The following ARID2 variants were observed in gnomAD, a reference collection of about 807,000 sequenced individuals.
ARID2 encodes the protein AT-rich interactive domain-containing protein 2.
ARID2 carries 32 observed loss-of-function variants against 184.6 expected under a neutral mutation model. The ratio of observed to expected loss-of-function variants is 0.17; its 90% CI spans 0.13 to 0.23. The LOEUF (loss-of-function observed/expected upper bound fraction) is 0.23, where lower values mean the gene tolerates loss of function less well. ARID2 is among the 10% of genes least tolerant of loss of function. The pLI is 1.00. For missense variants in ARID2, 1,696 were observed against 2,197.6 expected (o/e 0.77, Z 4.56); for synonymous variants, 836 against 772.6 (o/e 1.08, Z -1.36).
intron 3 of ARID2, among the ~76,000 whole-genome samples, chr12:45,809,961 T>A (rs766356159): frequency 1.3e-5 from 2 of 152,226 alleles, no homozygotes; most frequent in African/African-American, 2.4e-5. Context: ...TACATGTTCA[T>A]TGATACCCAC....
chr12:45,888,274 C>G (rs1944231239), intron 16 of ARID2, among the ~76,000 whole-genome samples: 1 of 151,458 alleles, frequency 6.6e-6, no homozygotes, highest in Admixed American at 6.6e-5. Flanking sequence ...ATGTAAGATA[C>G]TGTCTCTAAA....
intron 16 of ARID2, chr12:45,874,254 C>A (rs778631120): frequency 1.3e-5 from 2 of 152,162 alleles, no homozygotes; most frequent in African/African-American, 4.8e-5. Flanking sequence ...AAAACTCCAA[C>A]GCTGATCAGT....
chr12:45,774,922 C>G (rs1043017716), intron 3 of ARID2, among the ~76,000 whole-genome samples: 2 of 152,138 alleles, frequency 1.3e-5, no homozygotes, highest in African/African-American at 2.4e-5. Context: ...TTTTGCTTCA[C>G]AGAGAACATT....
At chr12:45,784,353 A>G (rs914608889) in intron 3 of ARID2, among the ~76,000 whole-genome samples, 3 of 152,170 alleles carry the variant, frequency 2.0e-5, no homozygotes, top group Admixed American at 2.0e-4. Flanking sequence ...ACTATTTTAA[A>G]ATATGATACC....
intron 3 of ARID2, among the ~76,000 whole-genome samples, chr12:45,735,783 G>A (rs1460441104): frequency 1.3e-5 from 2 of 152,132 alleles, no homozygotes; most frequent in Non-Finnish European, 2.9e-5. Flanking sequence ...TAGAATCCAT[G>A]TTTTTAGAGC....
chr12:45,903,609 T>G (rs751607451), intron 20 of ARID2, among the ~76,000 whole-genome samples: 25 of 152,338 alleles, frequency 1.6e-4, no homozygotes, highest in Admixed American at 4.6e-4. Flanking sequence ...AACTGTTTAT[T>G]CTTCAGTCTC....
chr12:45,832,740 G>GA (rs1592105346), intron 6 of ARID2, among the ~76,000 whole-genome samples: 1 of 151,938 alleles, frequency 6.6e-6, no homozygotes, highest in Non-Finnish European at 1.5e-5. Context: ...AATATTTGGG[G>GA]AAAAAAGCAA....
chr12:45,837,520 T>G lies in ARID2; in HGVS notation c.1143T>G (p.Leu381=). The stretch of plus-strand genomic sequence containing the variant: ...CAGGCATGGAAATTTTGGGAAATCT[T>G]TGCAAAGCAGAAGATAATGGTGTTT... ...KMRGMEILGN[L]CKAEDNGVLI... Residue 381 remains leucine, a synonymous_variant, in exon 10 of 21, where the codon CTT becomes CTG. Transcript: ENST00000334344. 6 of 1,614,008 alleles carry G rather than the reference T, an allele frequency of 3.7e-6. No individual in the cohort carries two copies. The South Asian group carries it at 5.5e-5, about 15-fold the overall frequency.
chr12:45,885,351 T>C (rs1344000846), intron 16 of ARID2, among the ~76,000 whole-genome samples: 4 of 152,126 alleles, frequency 2.6e-5, no homozygotes. Flanking sequence ...GGATGTATAG[T>C]CTCACATATA....
At chr12:45,806,243 A>G (rs1942596649) in intron 3 of ARID2, among the ~76,000 whole-genome samples, 1 of 151,696 alleles carries the variant, frequency 6.6e-6, no homozygotes, top group Non-Finnish European at 1.5e-5. Flanking sequence ...GGTTCTGGAT[A>G]GTTCTAAGAA....
rs367895935 is a variant in ARID2 at position 45,771,027 on chromosome 12, C to T, written c.284+39713C>T. 2.3e-3 allele frequency among the ~76,000 whole-genome samples: 344 copies of T among 152,086 alleles called. 12 individuals are homozygous for T. The South Asian group carries it at 0.067, about 30-fold the overall frequency. ...AAAGGAAGTTACTTGGACTGAAAGC[C>T]GGCGATCCCACATAGTAATTTAAAT... On this transcript the variant is annotated intron_variant, in intron 3 of 20. Transcript: ENST00000334344.
chr12:45,861,149 T>C (rs1943739552), intron 16 of ARID2, among the ~76,000 whole-genome samples, 200 bp downstream of exon 16: 1 of 152,226 alleles, frequency 6.6e-6, no homozygotes, highest in Non-Finnish European at 1.5e-5. Context: ...AAGAACTTCA[T>C]TGCTTAATGG....
chr12:45,818,580 T>C (rs1942846233), intron 5 of ARID2, among the ~76,000 whole-genome samples: 1 of 152,170 alleles, frequency 6.6e-6, no homozygotes, highest in Admixed American at 6.5e-5. Context: ...ACCCCATTTT[T>C]TGCCAGAAGT....
intron 3 of ARID2, among the ~76,000 whole-genome samples, chr12:45,770,025 C>T (rs975497936): frequency 3.3e-5 from 5 of 152,072 alleles, no homozygotes; most frequent in African/African-American, 1.2e-4. Flanking sequence ...GAGGCTGAGA[C>T]GGGTAGATCA....
In ARID2 at chr12:45,850,464, G is replaced by A. The variant is rs377470102; in HGVS notation, c.2341G>A (p.Gly781Arg). ...QQSPLHTVVP[G>R]QIPSGTPVTV... ...GTCTCCATTACACACAGTGGTACCAGGACAGATCCCTTCAGGCACTCCTGT... is the reference window on the plus strand; with the variant it reads ...GTCTCCATTACACACAGTGGTACCAAGACAGATCCCTTCAGGCACTCCTGT... Residue 781 changes from glycine to arginine, a missense_variant, in exon 15 of 21, where the codon GGA (glycine) becomes AGA (arginine). Gly to Arg is a moderately radical substitution (Grantham distance 125). Around this residue, in one of 11 missense-constraint regions of ARID2, gnomAD observed 713 missense variants for 824.4 expected, o/e 0.86. Coordinates refer to ENST00000334344, the MANE Select transcript of ARID2 (RefSeq NM_152641.4). The A allele has an allele frequency of 6.2e-7, 1 of 1,613,914 alleles. No individual in the cohort carries two copies. The highest frequency in any genetic ancestry group is 1.3e-5 in the African/African-American group (1 of 74,924).
At chr12:45,740,214 T>C (rs957057876) in intron 3 of ARID2, among the ~76,000 whole-genome samples, 3 of 152,190 alleles carry the variant, frequency 2.0e-5, no homozygotes, top group African/African-American at 4.8e-5. Context: ...TAAAAATATA[T>C]GTGATTTTTG....
At chr12:45,897,558 TAAAA>T (rs1216822238) in intron 20 of ARID2, among the ~76,000 whole-genome samples, 1 of 152,100 alleles carries the variant, frequency 6.6e-6, no homozygotes, top group Non-Finnish European at 1.5e-5. Flanking sequence ...GGCAGTTCCT[TAAAA>T]AAACAAACAG....
intron 11 of ARID2, among the ~76,000 whole-genome samples, chr12:45,843,408 C>G (rs1381777339): frequency 6.6e-6 from 1 of 150,858 alleles, no homozygotes; most frequent in African/African-American, 2.4e-5. Flanking sequence ...CAGCGTCTCA[C>G]TCTTGCCCAG....
intron 3 of ARID2, among the ~76,000 whole-genome samples, chr12:45,753,148 A>G (rs1174275268): frequency 6.6e-6 from 1 of 152,166 alleles, no homozygotes; most frequent in Admixed American, 6.5e-5. Flanking sequence ...CTGTAACCCC[A>G]GCTACTCGGG....
Sources: allele counts gnomAD v4.1 joint callset (sites outside exome capture counted in the v4.1 genomes callset), GRCh38; gene constraint gnomAD v4.1.1; regional missense constraint gnomAD v4.1.1; transcripts MANE v1.5; gene names NCBI Gene and HGNC (gene_info 2026-07-23, HGNC 2026-07-21).